PAN3: variants seen among roughly 807,000 people sequenced by gnomAD.
The protein encoded by PAN3 is PAN2-PAN3 deadenylation complex subunit PAN3.
In PAN3, 19 loss-of-function variants were observed where a neutral mutation model predicts 96.2. The observed-to-expected ratio is 0.20, with a 90% CI of 0.14 to 0.29. The LOEUF is 0.29. PAN3 is among the 10% of genes least tolerant of loss of function. The pLI is 1.00. For missense variants in PAN3, 882 were observed against 1,108.1 expected (o/e 0.80, Z 2.90); for synonymous variants, 433 against 406.6 (o/e 1.06, Z -0.78).
intron 7 of PAN3, among the ~76,000 whole-genome samples, chr13:28,256,946 A>G (rs1315544787): frequency 6.6e-6 from 1 of 152,192 alleles, no homozygotes; most frequent in Non-Finnish European, 1.5e-5. Context: ...AATCAATGAT[A>G]AACCCTTATT....
chr13:28,165,283 C>CTTTTT (rs35652829), intron 1 of PAN3, among the ~76,000 whole-genome samples: 3 of 129,426 alleles, frequency 2.3e-5, no homozygotes, highest in Admixed American at 7.9e-5. Context: ...CTTATATATC[C>CTTTTT]TTTTTTTTTT....
intron 10 of PAN3, 87 bp downstream of exon 10, chr13:28,266,963 G>A (rs1593600398): frequency 7.9e-6 from 10 of 1,268,610 alleles, no homozygotes; most frequent in African/African-American, 1.5e-5. Flanking sequence ...TTTAATATAT[G>A]AATTAAAAAT....
chr13:28,282,404 A>G (rs1887549125), intron 17 of PAN3, among the ~76,000 whole-genome samples: 1 of 151,684 alleles, frequency 6.6e-6, no homozygotes, highest in South Asian at 2.1e-4. Flanking sequence ...AGACTCATTT[A>G]GTGTCTTCCC....
intron 6 of PAN3, among the ~76,000 whole-genome samples, chr13:28,220,778 A>G (rs940295328): frequency 6.6e-6 from 1 of 152,212 alleles, no homozygotes; most frequent in Non-Finnish European, 1.5e-5. Flanking sequence ...TTTCTAAAAA[A>G]TAATTTAATC....
intron 4 of PAN3, among the ~76,000 whole-genome samples, chr13:28,178,833 A>T (rs1290251028): frequency 6.6e-6 from 1 of 152,188 alleles, no homozygotes; most frequent in African/African-American, 2.4e-5. Context: ...ATGAAATTCA[A>T]GAAGACTGTG....
rs1410356580 is a variant in PAN3, at chr13:28,138,897, C to T, written c.240C>T (p.Gly80=). The T allele has an allele frequency of 7.2e-7, 1 of 1,397,866 alleles. No individual in the cohort carries two copies. The highest frequency in any genetic ancestry group is 9.3e-7 in the Non-Finnish European group (1 of 1,080,582). The allele number at this position is 1,397,866 out of a possible 1,614,324, so 86.6% of individuals were successfully genotyped here. A position where few individuals can be genotyped will look rare whatever the true frequency, so the allele number is the denominator to read the frequency against. ...DPAAGAAPGL[G]LHSNSVPLAL... ...CCGCCGGGGCTGCCCCGGGCCTCGG[C>T]CTCCATAGCAACAGCGTCCCCCTGG... Residue 80 remains glycine (G), a synonymous_variant, in exon 1 of 19, where the codon GGC becomes GGT. Coordinates refer to ENST00000380958, the MANE Select transcript of PAN3 (RefSeq NM_175854.8).
chr13:28,276,673 A>G (rs1024609423), intron 14 of PAN3, among the ~76,000 whole-genome samples: 1 of 152,176 alleles, frequency 6.6e-6, no homozygotes. Context: ...GGTTTGCAGC[A>G]TTTTTGATGT....
chr13:28,215,934 A>G, intron 5 of PAN3: 2 of 1,114,618 alleles, frequency 1.8e-6, no homozygotes, highest in Non-Finnish European at 2.7e-6. Context: ...AGTCTTAATC[A>G]GTGGTGGAAG....
At chr13:28,201,666 C>T (rs1212446481) in intron 5 of PAN3, among the ~76,000 whole-genome samples, 1 of 152,128 alleles carries the variant, frequency 6.6e-6, no homozygotes, top group African/African-American at 2.4e-5. Flanking sequence ...TCCCAAAATA[C>T]TGGGATTATA....
At chr13:28,213,531 C>T (rs1173133878) in intron 5 of PAN3, among the ~76,000 whole-genome samples, 1 of 151,964 alleles carries the variant, frequency 6.6e-6, no homozygotes, top group Non-Finnish European at 1.5e-5. Flanking sequence ...CACTCAGAAA[C>T]TGGTAAAATT....
At chr13:28,255,265 C>G (rs1420151298) in intron 6 of PAN3, among the ~76,000 whole-genome samples, 2 of 152,076 alleles carry the variant, frequency 1.3e-5, no homozygotes, top group Non-Finnish European at 1.5e-5. Context: ...GTAACTGTTG[C>G]TCTAAATACC....
chr13:28,141,702 G>C (rs111931238), intron 1 of PAN3, among the ~76,000 whole-genome samples: 20,873 of 152,002 alleles, frequency 0.14, 1,767 homozygotes, highest in Middle Eastern at 0.24. Flanking sequence ...CCTGATCTCA[G>C]GTGATCCGCC....
At position 28,179,262 on chromosome 13, in the gene PAN3, A is replaced by G. The variant is rs148987885; in HGVS notation, c.690+1327A>G. Among the ~76,000 whole-genome samples the G allele has an allele frequency of 3.7e-3, 558 of 152,396 alleles. 1 individual carries two copies. The highest frequency in any genetic ancestry group is 0.013 in the African/African-American group (532 of 41,606). ...AATAGAGTTGGACAGAAACAGACCC[A>G]GGACAATAGACAAAGCCTAACAATG... On this transcript the variant is annotated intron_variant, in intron 4 of 18. Transcript: ENST00000380958.
intron 5 of PAN3, among the ~76,000 whole-genome samples, 182 bp from the exon 6 acceptor site, chr13:28,220,049 G>T (rs987951877): frequency 6.6e-6 from 1 of 152,136 alleles, no homozygotes; most frequent in East Asian, 1.9e-4. Flanking sequence ...CAAATTTGAT[G>T]ATCAGATTTC....
chr13:28,150,353 C>G (rs1321124879), intron 1 of PAN3, among the ~76,000 whole-genome samples: 1 of 152,140 alleles, frequency 6.6e-6, no homozygotes, highest in East Asian at 1.9e-4. Flanking sequence ...GGGCCAGGCA[C>G]TGTGGCTCAT....
chr13:28,257,754 A>AT (rs1566235204), intron 7 of PAN3, among the ~76,000 whole-genome samples: 2 of 137,202 alleles, frequency 1.5e-5, no homozygotes, highest in African/African-American at 2.8e-5. Context: ...TATAATATAT[A>AT]ATTAATTATA....
intron 4 of PAN3, among the ~76,000 whole-genome samples, chr13:28,188,592 T>C: frequency 6.6e-6 from 1 of 150,628 alleles, no homozygotes; most frequent in South Asian, 2.2e-4. Flanking sequence ...CAGAAGACTG[T>C]CTAGAAAAAA....
At position 28,267,262 on chromosome 13, in the gene PAN3, C is replaced by A. The variant is rs142246171; in HGVS notation, c.1691-38C>A. ...TGCTGGTGAGCTTCATTATTTGAAG[C>A]CAGCTTTCAGTAATGAGTGTTTGTG... On this transcript the variant is annotated intron_variant, in intron 11 of 18. Coordinates refer to ENST00000380958, the MANE Select transcript of PAN3 (RefSeq NM_175854.8). 670 of 1,611,400 alleles carry A rather than the reference C, an allele frequency of 4.2e-4. No homozygotes were observed. The African/African-American group carries it at 8.0e-3, about 19-fold the overall frequency.
intron 6 of PAN3, among the ~76,000 whole-genome samples, chr13:28,241,220 G>T (rs1026260170): frequency 6.6e-6 from 1 of 151,960 alleles, no homozygotes; most frequent in Non-Finnish European, 1.5e-5. Flanking sequence ...CCATGTTGGC[G>T]CCACTGCACT....
Sources: gnomAD v4.1 joint callset for allele counts (sites outside exome capture counted in the v4.1 genomes callset) on GRCh38, gnomAD v4.1.1 for gene constraint, MANE v1.5 for transcripts, NCBI Gene and HGNC (gene_info 2026-07-23, HGNC 2026-07-21) for gene names.